PARN: variants seen among roughly 807,000 people sequenced by gnomAD.
PARN encodes poly(A)-specific ribonuclease PARN.
A neutral mutation model predicts 102.8 loss-of-function variants in PARN; 71 were observed. The observed-to-expected ratio is 0.69, with a 90% CI of 0.57 to 0.84. The LOEUF (loss-of-function observed/expected upper bound fraction) is 0.84. Among genes scored for constraint, PARN ranks in the 40% least tolerant of loss-of-function variants. The pLI is 0.00. For missense variants in PARN, 782 were observed against 760.9 expected (o/e 1.03, Z -0.33); for synonymous variants, 261 against 252.9 (o/e 1.03, Z -0.30).
rs1423811963 is a variant in PARN, at chr16:14,563,522, G to GTGTATATATA, written c.1263-7814_1263-7813insTATATATACA. Among the ~76,000 whole-genome samples, 809 of 149,246 alleles carry GTGTATATATA rather than the reference G, an allele frequency of 5.4e-3. 2 individuals are homozygous for GTGTATATATA. The highest frequency in any genetic ancestry group is 0.011 in the Admixed American group (160 of 15,010). On this transcript the variant is annotated intron_variant, in intron 18 of 23. Transcript: ENST00000437198. ...TGTGTGTGTGTGTGTGTGTGTGTGT[G>GTGTATATATA]TATATAATTCTTTTAAGTTCTGGGA...
chr16:14,532,291 T>G (rs4780758), intron 21 of PARN, among the ~76,000 whole-genome samples: 119,908 of 150,140 alleles, frequency 0.8, 48,565 homozygotes, highest in African/African-American at 0.95. Context: ...GTGAACGAAG[T>G]TCTCTGGTTT....
At chr16:14,479,178 G>A (rs2151592802) in intron 22 of PARN, among the ~76,000 whole-genome samples, 1 of 152,262 alleles carries the variant, frequency 6.6e-6, no homozygotes, top group African/African-American at 2.4e-5. Flanking sequence ...TAACACTTTA[G>A]GAGGCCAAGG....
At chr16:14,620,815 T>A (rs1163179090) in intron 5 of PARN, among the ~76,000 whole-genome samples, 1 of 152,208 alleles carries the variant, frequency 6.6e-6, no homozygotes, top group Non-Finnish European at 1.5e-5. Flanking sequence ...TTTCCCTCTT[T>A]TCTTTGCTAC....
chr16:14,522,106 C>T (rs958522681), intron 21 of PARN, among the ~76,000 whole-genome samples: 1 of 152,150 alleles, frequency 6.6e-6, no homozygotes, highest in East Asian at 1.9e-4. Context: ...CAGAAGGTGG[C>T]CCCTGTTACT....
At chr16:14,547,160 AG>A (rs1192421120) in intron 21 of PARN, among the ~76,000 whole-genome samples, 1 of 152,094 alleles carries the variant, frequency 6.6e-6, no homozygotes, top group Non-Finnish European at 1.5e-5. Context: ...CAAATGGTGA[AG>A]GTAAGTGGTC....
In PARN at chr16:14,582,184, G is replaced by C. The variant is rs1031462589; in HGVS notation, c.1189C>G (p.Leu397Val). The C allele has an allele frequency of 6.3e-7, 1 of 1,588,684 alleles. No homozygotes were observed. Among genetic ancestry groups the C allele is most frequent in the African/African-American group, 1.3e-5 (1 of 74,448 alleles). Residue 397 changes from leucine to valine, a missense_variant, in exon 17 of 24, where the codon CTA (leucine) becomes GTA (valine). Transcript: ENST00000437198. ...CTGAAAGACATGTAATGCGTACCTA[G>C]GTAATTGGCCATGGAGATGAAGCAC... ...GLCFISMANY[L>V]GSFLSPPKIH...
chr16:14,612,886 C>T (rs149272385), intron 6 of PARN, among the ~76,000 whole-genome samples: 6 of 151,642 alleles, frequency 4.0e-5, no homozygotes, highest in Admixed American at 1.3e-4. Flanking sequence ...CGTGAGCCAC[C>T]GCGCCCTACC....
At position 14,435,895 on chromosome 16, in the gene PARN, TTCAC is replaced by T. The variant is rs1402038513; in HGVS notation, c.*818_*821del. ...GGGACATGTTGTAGATTTGCACGAT[TTCAC>T]ACACACACACACACACACACACACA... On this transcript the variant is annotated 3_prime_UTR_variant, in exon 24 of 24. Transcript: ENST00000437198. The T allele has an allele frequency of 2.1e-4, 23 of 108,168 alleles. No homozygotes were observed. Among genetic ancestry groups the T allele is most frequent in the African/African-American group, 6.9e-4 (19 of 27,360 alleles). The allele number at this position is 108,168 out of a possible 1,614,324, so 6.7% of individuals were successfully genotyped here. A position where few individuals can be genotyped will look rare whatever the true frequency, so the allele number is the denominator to read the frequency against.
intron 12 of PARN, among the ~76,000 whole-genome samples, chr16:14,596,689 T>G (rs1970535154): frequency 1.3e-5 from 2 of 151,984 alleles, no homozygotes; most frequent in African/African-American, 4.8e-5. Flanking sequence ...GAGGCTGCAG[T>G]GAGCCAGTGT....
Position 14,593,324 on chromosome 16 carries a change from G to T in PARN, c.895C>A (p.Gln299Lys). The T allele has an allele frequency of 6.2e-7, 1 of 1,601,016 alleles. No individual in the cohort carries two copies. The change falls in exon 13 of 24, where the codon CAG (glutamine) becomes AAG (lysine). Residue 299 changes from glutamine to lysine, a missense_variant. Coordinates refer to ENST00000437198, the MANE Select transcript of PARN (RefSeq NM_002582.4). ...ACCGCAGGCAGAGGGCAGTAGAACT[G>T]ATGAACTGTGTGCATGACGTCCAAG... ...MLLDVMHTVH[Q>K]FYCPLPADLS...
In PARN at chr16:14,614,093, T is replaced by C. The variant is rs564115483; in HGVS notation, c.389-3284A>G. Among the ~76,000 whole-genome samples the C allele has an allele frequency of 6.6e-5, 10 of 151,924 alleles. No individual in the cohort carries two copies. The South Asian group carries it at 2.1e-3, about 32-fold the overall frequency. ...ACAATATAGTGAGACCCTGCCTCTA[T>C]AAAAAACATAAAAATTAGCTGGACA... On this transcript the variant is annotated intron_variant, in intron 6 of 23. Transcript: ENST00000437198.
intron 21 of PARN, among the ~76,000 whole-genome samples, chr16:14,504,720 G>T (rs537621431): frequency 2.0e-5 from 3 of 152,098 alleles, no homozygotes; most frequent in Non-Finnish European, 4.4e-5. Context: ...TCTCTCATAG[G>T]TTATACCATT....
At chr16:14,599,262 C>A (rs1342912449) in intron 12 of PARN, among the ~76,000 whole-genome samples, 2 of 151,978 alleles carry the variant, frequency 1.3e-5, no homozygotes, top group East Asian at 3.9e-4. Context: ...AGGCTGGTCT[C>A]GAACTCCTGA....
At chr16:14,485,070 A>G (rs1480451863) in intron 21 of PARN, among the ~76,000 whole-genome samples, 1 of 152,236 alleles carries the variant, frequency 6.6e-6, no homozygotes, top group Admixed American at 6.5e-5. Flanking sequence ...AGAAAGTGCT[A>G]GAGAATGTTC....
chr16:14,551,985 T>C (rs1190308133), intron 21 of PARN, 36 bp downstream of exon 21: 2 of 1,452,938 alleles, frequency 1.4e-6, no homozygotes, highest in Admixed American at 3.4e-5. Flanking sequence ...CCTCTCACTG[T>C]ATTTAATACA....
intron 21 of PARN, among the ~76,000 whole-genome samples, chr16:14,486,895 C>T (rs1034105828): frequency 3.9e-5 from 6 of 152,250 alleles, no homozygotes; most frequent in Admixed American, 3.3e-4. Context: ...GGCAATCTAT[C>T]GGTCTTGCCA....
intron 5 of PARN, among the ~76,000 whole-genome samples, chr16:14,621,476 G>A (rs1437728018): frequency 3.9e-5 from 6 of 152,236 alleles, no homozygotes; most frequent in Admixed American, 3.3e-4. Flanking sequence ...GGTTAGAATA[G>A]TAAAATTTAT....
At chr16:14,544,604 C>A (rs1966865702) in intron 21 of PARN, among the ~76,000 whole-genome samples, 1 of 151,790 alleles carries the variant, frequency 6.6e-6, no homozygotes, top group Non-Finnish European at 1.5e-5. Flanking sequence ...AAAGAATATA[C>A]CAGGCAAATA....
At chr16:14,629,758 G>C (rs1972915654) in intron 1 of PARN, 84 bp from the exon 2 acceptor site, 7 of 1,018,896 alleles carry the variant, frequency 6.9e-6, no homozygotes, top group Middle Eastern at 4.2e-4. Flanking sequence ...AGGAGCTCCC[G>C]AGGCTGAGAG....
Sources: gnomAD v4.1 joint callset for allele counts (sites outside exome capture counted in the v4.1 genomes callset) on GRCh38, gnomAD v4.1.1 for gene constraint, MANE v1.5 for transcripts, NCBI Gene and HGNC (gene_info 2026-07-23, HGNC 2026-07-21) for gene names.